KCNIP4: variants seen among roughly 807,000 people sequenced by gnomAD.
KCNIP4 encodes the protein Kv channel-interacting protein 4.
Under a neutral mutation model 34.0 loss-of-function variants are expected in KCNIP4, and 12 were observed. The ratio of observed to expected loss-of-function variants is 0.35; its 90% CI spans 0.23 to 0.57. KCNIP4 has a LOEUF of 0.57. KCNIP4 is among the 20% of genes least tolerant of loss of function. The pLI is 0.83. For synonymous variants in KCNIP4, 124 were observed against 102.2 expected (o/e 1.21, Z -1.29); for missense variants, 238 against 311.7 (o/e 0.76, Z 1.78).
intron 1 of KCNIP4, among the ~76,000 whole-genome samples, chr4:20,955,065 T>A (rs1174035632): frequency 6.6e-6 from 1 of 152,074 alleles, no homozygotes; most frequent in Non-Finnish European, 1.5e-5. Context: ...GGAAGCATAG[T>A]TCTGTGATTG....
intron 1 of KCNIP4, among the ~76,000 whole-genome samples, chr4:21,059,291 C>T (rs567040380): frequency 1.3e-5 from 2 of 152,182 alleles, no homozygotes; most frequent in Non-Finnish European, 2.9e-5. Flanking sequence ...ACTCCCTCTT[C>T]CAGTGACGTT....
At chr4:20,836,853 T>G (rs11932876) in intron 3 of KCNIP4, among the ~76,000 whole-genome samples, 1 of 151,742 alleles carries the variant, frequency 6.6e-6, no homozygotes, top group South Asian at 2.1e-4. Flanking sequence ...CACAGGAGTC[T>G]CTTTCATAGA....
intron 1 of KCNIP4, among the ~76,000 whole-genome samples, chr4:21,663,619 G>A (rs574649555): frequency 3.9e-5 from 6 of 152,266 alleles, no homozygotes; most frequent in Non-Finnish European, 7.4e-5. Flanking sequence ...GACCTTGCTT[G>A]TTCTAAGGCC....
Position 20,729,236 on chromosome 4 carries a change from A to AGGAT in KCNIP4, c.*842_*845dup, listed in dbSNP as rs1475916070. 1 of 152,070 alleles carries AGGAT rather than the reference A, an allele frequency of 6.6e-6. No individual in the cohort carries two copies. Among genetic ancestry groups the AGGAT allele is most frequent in the African/African-American group, 2.4e-5 (1 of 41,418 alleles). The allele number at this position is 152,070 out of a possible 1,614,324, so 9.4% of individuals were successfully genotyped here. ...GTTATTAAGCATTACTATATACTGGAGGATAGATATCCTGACCCTTTGCAT... is the reference window on the plus strand; with the variant it reads ...GTTATTAAGCATTACTATATACTGGAGGATGGATAGATATCCTGACCCTTTGCAT... On this transcript the variant is annotated 3_prime_UTR_variant, in exon 9 of 9. Coordinates refer to ENST00000382152, the MANE Select transcript of KCNIP4 (RefSeq NM_025221.6).
At chr4:21,716,231 T>C (rs901203012) in intron 1 of KCNIP4, among the ~76,000 whole-genome samples, 1 of 151,938 alleles carries the variant, frequency 6.6e-6, no homozygotes, top group Non-Finnish European at 1.5e-5. Context: ...TAATAGTCTT[T>C]TTTTAATTTT....
chr4:20,989,368 A>C (rs1330316024), intron 1 of KCNIP4, among the ~76,000 whole-genome samples: 2 of 152,258 alleles, frequency 1.3e-5, no homozygotes, highest in African/African-American at 4.8e-5. Context: ...TATAGAGAGC[A>C]GAGTTGGCTT....
At chr4:21,714,813 T>C (rs1361954817) in intron 1 of KCNIP4, among the ~76,000 whole-genome samples, 97 of 336 alleles carry the variant, frequency 0.29, 20 homozygotes, top group East Asian at 0.79. Context: ...TATTTTATTT[T>C]ATTTTATTTT....
chr4:21,707,932 TACAC>T (rs3050896), intron 1 of KCNIP4, among the ~76,000 whole-genome samples: 5,762 of 146,846 alleles, frequency 0.039, 133 homozygotes, highest in African/African-American at 0.067. Flanking sequence ...AACACACACA[TACAC>T]ACACACACAC....
chr4:21,140,915 G>A (rs767499145), intron 1 of KCNIP4, among the ~76,000 whole-genome samples: 73 of 152,080 alleles, frequency 4.8e-4, no homozygotes, highest in African/African-American at 1.7e-3. Flanking sequence ...CTCCACCTCC[G>A]CTAGCATGCA....
At chr4:21,753,923 C>A (rs1478424119) in intron 1 of KCNIP4, among the ~76,000 whole-genome samples, 1 of 152,132 alleles carries the variant, frequency 6.6e-6, no homozygotes, top group Non-Finnish European at 1.5e-5. Flanking sequence ...TGACCCCCTC[C>A]TCCTACTATC....
At chr4:21,578,294 C>T (rs1045015122) in intron 1 of KCNIP4, among the ~76,000 whole-genome samples, 12 of 132,182 alleles carry the variant, frequency 9.1e-5, no homozygotes, top group African/African-American at 2.9e-4. Context: ...GATTGCGCCA[C>T]TGCACTCCAA....
chr4:21,810,747 T>C (rs1309531398), intron 1 of KCNIP4, among the ~76,000 whole-genome samples: 3 of 151,692 alleles, frequency 2.0e-5, no homozygotes, highest in Non-Finnish European at 4.4e-5. Context: ...ACCCACAGAT[T>C]TTTTTATGAG....
At chr4:21,064,249 T>A (rs1323499567) in intron 1 of KCNIP4, among the ~76,000 whole-genome samples, 2 of 152,146 alleles carry the variant, frequency 1.3e-5, no homozygotes, top group Non-Finnish European at 2.9e-5. Flanking sequence ...TAGTTAATGA[T>A]TTATGTTTCT....
intron 1 of KCNIP4, among the ~76,000 whole-genome samples, chr4:21,008,690 AT>A (rs1428271619): frequency 6.7e-6 from 1 of 149,758 alleles, no homozygotes; most frequent in Non-Finnish European, 1.5e-5. Flanking sequence ...CGCCCGGCTA[AT>A]TTTTTTGCAT....
intron 1 of KCNIP4, chr4:21,848,951 T>TGTGTGC (rs1553937925): frequency 7.5e-6 from 1 of 134,192 alleles, no homozygotes; most frequent in East Asian, 2.2e-4. Context: ...CATATATGTG[T>TGTGTGC]GTGTGTGTGT....
At chr4:21,087,327 C>T (rs1746560328) in intron 1 of KCNIP4, among the ~76,000 whole-genome samples, 1 of 152,094 alleles carries the variant, frequency 6.6e-6, no homozygotes, top group African/African-American at 2.4e-5. Flanking sequence ...CAGCCATGTG[C>T]CACCACACCT....
At position 21,373,996 on chromosome 4, in the gene KCNIP4, C is replaced by A. The variant is rs543195014; in HGVS notation, c.62-491287G>T. 3.9e-4 allele frequency among the ~76,000 whole-genome samples: 58 copies of A among 147,458 alleles called. 4 individuals carry two copies. Among genetic ancestry groups the A allele is most frequent in the Non-Finnish European group, 6.6e-4 (45 of 68,026 alleles). ...TTGGGATTACAGGTGTGAGCCACCA[C>A]ACCCAGCCTAGGGTTTCTCATTTTT... is the stretch of plus-strand genomic sequence containing the variant. On this transcript the variant is annotated intron_variant, in intron 1 of 8. Transcript: ENST00000382152.
chr4:21,479,423 G>A (rs922531777), intron 1 of KCNIP4, among the ~76,000 whole-genome samples: 10 of 152,112 alleles, frequency 6.6e-5, no homozygotes, highest in African/African-American at 2.4e-4. Flanking sequence ...AGCTCACATG[G>A]AATGAGATAT....
At chr4:21,312,951 A>G (rs892984988) in intron 1 of KCNIP4, among the ~76,000 whole-genome samples, 3 of 152,232 alleles carry the variant, frequency 2.0e-5, no homozygotes, top group African/African-American at 7.2e-5. Context: ...GAATTGATAG[A>G]TACAAATGTT....
Sources: allele counts gnomAD v4.1 joint callset (sites outside exome capture counted in the v4.1 genomes callset), GRCh38; gene constraint gnomAD v4.1.1; transcripts MANE v1.5; gene names NCBI Gene and HGNC (gene_info 2026-07-23, HGNC 2026-07-21).